Variants in RANBP17 observed in about 807,000 individuals in gnomAD.
The protein encoded by RANBP17 is RAN binding protein 17.
RANBP17 carries 158 observed loss-of-function variants against 141.2 expected under a neutral mutation model. The observed-to-expected ratio is 1.12, with a 90% CI of 0.98 to 1.28. The LOEUF is 1.28. Among genes scored for constraint, RANBP17 ranks in the 50% most tolerant of loss-of-function variants. The pLI is 0.00. For missense variants in RANBP17, 1,438 were observed against 1,290.7 expected, an observed-to-expected ratio of 1.11 and a Z score of -1.75; for synonymous variants, 430 against 450.0, an observed-to-expected ratio of 0.96 and a Z score of 0.56.
At chr5:170,953,529 T>A in intron 12 of RANBP17, 68 bp from the exon 13 acceptor site, 1 of 1,027,126 alleles carries the variant, frequency 9.7e-7, no homozygotes, top group Non-Finnish European at 1.5e-6. Flanking sequence ...GATTTTGGAA[T>A]TTCCCCCAAG....
intron 14 of RANBP17, among the ~76,000 whole-genome samples, chr5:171,005,008 A>G (rs1779491397): frequency 6.6e-6 from 1 of 151,948 alleles, no homozygotes; most frequent in South Asian, 2.1e-4. Flanking sequence ...CCCCCTCTCT[A>G]TTATTGTGTA....
intron 24 of RANBP17, among the ~76,000 whole-genome samples, chr5:171,254,456 G>T (rs763312610): frequency 2.6e-5 from 4 of 152,048 alleles, no homozygotes; most frequent in Non-Finnish European, 4.4e-5. Context: ...AACCCTAGCA[G>T]CCTGGATAGT....
Position 171,130,431 on chromosome 5 carries a change from C to CTTTTTTT in RANBP17, c.1711-39683_1711-39677dup, listed in dbSNP as rs72051535. Among the ~76,000 whole-genome samples the CTTTTTTT allele has an allele frequency of 1.5e-3, 134 of 90,042 alleles. 3 individuals are homozygous for CTTTTTTT. Among genetic ancestry groups the CTTTTTTT allele is most frequent in the Middle Eastern group, 0.014 (1 of 70 alleles). The allele number at this position is 90,042 out of a possible 152,430, so 59.1% of individuals were successfully genotyped here. On this transcript the variant is annotated intron_variant, in intron 14 of 27. Coordinates refer to ENST00000523189, the MANE Select transcript of RANBP17 (RefSeq NM_022897.5). ...GCTCAATCAGAATACTTTAAAAAGACTTTTTTTTTTTTTTTTTTTTTTGAG... is the reference window on the plus strand; with the variant it reads ...GCTCAATCAGAATACTTTAAAAAGACTTTTTTTTTTTTTTTTTTTTTTTTTTTTTGAG...
intron 14 of RANBP17, among the ~76,000 whole-genome samples, chr5:171,160,782 C>G (rs979070154): frequency 1.3e-5 from 2 of 152,040 alleles, no homozygotes; most frequent in Admixed American, 6.6e-5. Context: ...GGAAACAGTA[C>G]TAAGAGATTC....
chr5:171,250,231 C>T (rs548287352), intron 24 of RANBP17, among the ~76,000 whole-genome samples: 7 of 152,296 alleles, frequency 4.6e-5, no homozygotes, highest in Admixed American at 2.6e-4. Flanking sequence ...TTTGTTACCA[C>T]TAGACTGCAG....
chr5:171,212,538 A>G (rs1762964387), intron 20 of RANBP17, among the ~76,000 whole-genome samples: 1 of 152,218 alleles, frequency 6.6e-6, no homozygotes. Flanking sequence ...AGCTGGAGGT[A>G]GCCAAGAACC....
chr5:171,164,292 C>T (rs1272138531), intron 14 of RANBP17, among the ~76,000 whole-genome samples: 2 of 152,100 alleles, frequency 1.3e-5, no homozygotes, highest in Non-Finnish European at 2.9e-5. Context: ...AGACAGTGCT[C>T]CAGATACCTA....
chr5:171,126,286 C>A (rs77611086), intron 14 of RANBP17, among the ~76,000 whole-genome samples: 2,246 of 152,118 alleles, frequency 0.015, 29 homozygotes, highest in Non-Finnish European at 0.021. Flanking sequence ...AAAATGGAAA[C>A]AAAACATACC....
intron 1 of RANBP17, among the ~76,000 whole-genome samples, chr5:170,863,905 A>G (rs148199385): frequency 3.3e-5 from 5 of 152,332 alleles, no homozygotes; most frequent in African/African-American, 1.2e-4. Context: ...GCGGAGTTGG[A>G]CAAATAAAAG....
At chr5:171,208,953 C>T (rs1762726123) in intron 20 of RANBP17, among the ~76,000 whole-genome samples, 1 of 152,202 alleles carries the variant, frequency 6.6e-6, no homozygotes, top group Middle Eastern at 3.2e-3. Flanking sequence ...CTCACTTATT[C>T]AGCAAAGTGG....
In RANBP17 at chr5:171,120,397, A is replaced by T. The variant is rs75383324; in HGVS notation, c.1711-49733A>T. On this transcript the variant is annotated intron_variant, in intron 14 of 27. Transcript: ENST00000523189. ...ACCTTAGCAGTTTACCTGCTATTCT[A>T]TTCTACTGTGGCTAAGCTGGCACTC... 1.7e-3 allele frequency among the ~76,000 whole-genome samples: 260 copies of T among 152,292 alleles called. 8 individuals are homozygous for T. In the East Asian group the frequency reaches 0.038, roughly 22 times the overall value.
chr5:170,892,516 T>G lies in RANBP17; in HGVS notation c.386T>G (p.Phe129Cys). ...GAGGTTCAGAAAGACCAATTTGTCT[T>G]CAGAGAAATTATTGCTGATGTGAAG... ...WFEVQKDQFVFREIIADVKKF... is the reference protein window; with the variant it reads ...WFEVQKDQFVCREIIADVKKF... The change falls in exon 4 of 28, where the codon TTC becomes TGC. Residue 129 changes from phenylalanine (F) to cysteine (C), a missense_variant. Transcript: ENST00000523189. The G allele has an allele frequency of 6.2e-7, 1 of 1,613,916 alleles. No homozygotes were observed. The highest frequency in any genetic ancestry group is 8.5e-7 in the Non-Finnish European group (1 of 1,179,888).
At chr5:171,057,525 G>T (rs1783480130) in intron 14 of RANBP17, among the ~76,000 whole-genome samples, 1 of 151,910 alleles carries the variant, frequency 6.6e-6, no homozygotes, top group South Asian at 2.1e-4. Context: ...ATTTTGTGTG[G>T]ATATCATAGG....
At chr5:171,297,426 G>A (rs1768885933) in intron 27 of RANBP17, among the ~76,000 whole-genome samples, 1 of 152,184 alleles carries the variant, frequency 6.6e-6, no homozygotes, top group Admixed American at 6.5e-5. Context: ...TTATAAATGT[G>A]GTAGCATTCA....
chr5:170,918,673 T>TGG (rs751982997), intron 9 of RANBP17, 40 bp from the exon 10 acceptor site: 6 of 1,550,474 alleles, frequency 3.9e-6, no homozygotes, highest in Non-Finnish European at 5.2e-6. Flanking sequence ...GTCCATAGGT[T>TGG]GGCTTGTTTT....
chr5:170,919,754 A>G lies in RANBP17; in HGVS notation c.1274+141A>G, dbSNP rs556100095. On this transcript the variant is annotated intron_variant, in intron 11 of 27. Transcript: ENST00000523189. Reference sequence around the variant, plus strand: ...AAGTGCACACAATTGTATAACTACCATCACAATTGAGATATAGATTAGTTC... The same window carrying G: ...AAGTGCACACAATTGTATAACTACCGTCACAATTGAGATATAGATTAGTTC... The G allele has an allele frequency of 8.8e-6, 5 of 570,790 alleles. No individual in the cohort carries two copies. In the East Asian group the frequency reaches 1.5e-4, roughly 17 times the overall value. 35.4% of individuals were successfully genotyped at this position (570,790 alleles called of 1,614,324 possible). A position where few individuals can be genotyped will look rare whatever the true frequency, so the allele number is the denominator to read the frequency against.
chr5:171,004,462 C>T (rs566046579), intron 14 of RANBP17, among the ~76,000 whole-genome samples: 1 of 152,236 alleles, frequency 6.6e-6, no homozygotes, highest in South Asian at 2.1e-4. Flanking sequence ...GGTTTTGAAG[C>T]TTGGCCATCA....
intron 14 of RANBP17, among the ~76,000 whole-genome samples, chr5:171,095,407 A>G (rs1216363037): frequency 1.3e-5 from 2 of 152,150 alleles, no homozygotes; most frequent in African/African-American, 4.8e-5. Context: ...TAGACTTTAT[A>G]TGGCTGTTGT....
intron 22 of RANBP17, among the ~76,000 whole-genome samples, chr5:171,236,368 A>G (rs1264398531): frequency 1.3e-5 from 2 of 152,184 alleles, no homozygotes; most frequent in Non-Finnish European, 2.9e-5. Flanking sequence ...CTACGGTGGT[A>G]TATCTTATCC....
Sources: allele counts gnomAD v4.1 joint callset (sites outside exome capture counted in the v4.1 genomes callset), GRCh38; gene constraint gnomAD v4.1.1; transcripts MANE v1.5; gene names NCBI Gene and HGNC (gene_info 2026-07-23, HGNC 2026-07-21).